The following LIN7A variants were observed in gnomAD, a reference collection of about 807,000 sequenced individuals.
LIN7A encodes protein lin-7 homolog A.
In LIN7A, 25 loss-of-function variants were observed where a neutral mutation model predicts 29.8. The observed-to-expected ratio is 0.84, with a 90% confidence interval of 0.61 to 1.17. The LOEUF is 1.17. Ranked by LOEUF, LIN7A falls within the 50% of genes most tolerant of loss-of-function variation. The probability of loss-of-function intolerance (pLI) is 0.00; values close to 1 mark genes in which losing one functional copy is unlikely to be tolerated. For synonymous variants in LIN7A, 118 were observed against 107.5 expected (o/e 1.10, Z -0.60); for missense variants, 239 against 287.0 (o/e 0.83, Z 1.21).
intron 2 of LIN7A, among the ~76,000 whole-genome samples, chr12:80,878,632 C>G (rs949713518): frequency 6.6e-6 from 1 of 152,166 alleles, no homozygotes; most frequent in African/African-American, 2.4e-5. Context: ...CTGCTGTTGG[C>G]GGACGTGGCC....
intron 1 of LIN7A, among the ~76,000 whole-genome samples, chr12:80,896,277 G>T (rs1875890259): frequency 6.6e-6 from 1 of 152,216 alleles, no homozygotes; most frequent in Non-Finnish European, 1.5e-5. Flanking sequence ...ACCAGTGTTG[G>T]TGGAACACTG....
chr12:80,831,151 T>C (rs1169140704), intron 4 of LIN7A, among the ~76,000 whole-genome samples: 1 of 152,212 alleles, frequency 6.6e-6, no homozygotes, highest in African/African-American at 2.4e-5. Flanking sequence ...AATAAATGCT[T>C]ATTGAGTGAC....
chr12:80,910,449 T>C (rs1876696436), intron 1 of LIN7A, among the ~76,000 whole-genome samples: 1 of 152,298 alleles, frequency 6.6e-6, no homozygotes, highest in East Asian at 1.9e-4. Flanking sequence ...AAGTGATCTT[T>C]GCCTTGTTCT....
At chr12:80,915,029 C>T (rs1414282533) in intron 1 of LIN7A, among the ~76,000 whole-genome samples, 1 of 151,504 alleles carries the variant, frequency 6.6e-6, no homozygotes, top group Non-Finnish European at 1.5e-5. Context: ...AGAGCTTCTA[C>T]ACAGCAAGAG....
chr12:80,813,442 T>C (rs867542113), intron 4 of LIN7A, among the ~76,000 whole-genome samples: 5 of 152,242 alleles, frequency 3.3e-5, no homozygotes, highest in African/African-American at 1.2e-4. Flanking sequence ...TGGAGGGCAC[T>C]ATCGTTATGC....
chr12:80,893,613 C>T (rs1040504153), intron 1 of LIN7A, among the ~76,000 whole-genome samples: 1 of 152,146 alleles, frequency 6.6e-6, no homozygotes, highest in Non-Finnish European at 1.5e-5. Flanking sequence ...ATTAATTTGA[C>T]ACAGTACTAG....
intron 1 of LIN7A, among the ~76,000 whole-genome samples, chr12:80,909,326 CA>C (rs971100119): frequency 9.9e-5 from 15 of 152,222 alleles, no homozygotes; most frequent in African/African-American, 3.4e-4. Context: ...TCTTACATAT[CA>C]ATACTTATAC....
intron 2 of LIN7A, among the ~76,000 whole-genome samples, chr12:80,887,917 G>A (rs1189772874): frequency 6.6e-6 from 1 of 152,090 alleles, no homozygotes; most frequent in South Asian, 2.1e-4. Context: ...AATTTCGGGG[G>A]AATGGCACTC....
intron 1 of LIN7A, among the ~76,000 whole-genome samples, chr12:80,894,337 A>G (rs889685946): frequency 1.3e-5 from 2 of 152,166 alleles, no homozygotes; most frequent in Non-Finnish European, 2.9e-5. Context: ...GAAAGCAAGA[A>G]GGATTATTTT....
chr12:80,854,411 CA>C (rs1424878740), intron 2 of LIN7A, among the ~76,000 whole-genome samples: 1 of 115,058 alleles, frequency 8.7e-6, no homozygotes, highest in Non-Finnish European at 1.6e-5. Flanking sequence ...CCCATCTCTA[CA>C]AAATTTATTT....
intron 4 of LIN7A, among the ~76,000 whole-genome samples, chr12:80,828,801 GGT>G (rs374898856): frequency 6.2e-4 from 93 of 151,180 alleles, no homozygotes; most frequent in African/African-American, 1.9e-3. Context: ...ATAAATGTGG[GGT>G]GTGTGTGTGT....
chr12:80,807,063 G>GTTGTTTTTT (rs1871026592), intron 5 of LIN7A, among the ~76,000 whole-genome samples: 1 of 53,592 alleles, frequency 1.9e-5, no homozygotes, highest in African/African-American at 8.7e-5. Flanking sequence ...TGAAGATGGA[G>GTTGTTTTTT]TTTTTTTTTT....
chr12:80,820,262 G>A (rs73137270), intron 4 of LIN7A, among the ~76,000 whole-genome samples: 40,018 of 151,994 alleles, frequency 0.26, 5,703 homozygotes, highest in Non-Finnish European at 0.33. Flanking sequence ...CCACAAAAGA[G>A]CAAGGAGGTT....
chr12:80,935,194 G>A (rs901944010), intron 1 of LIN7A, among the ~76,000 whole-genome samples: 1 of 152,118 alleles, frequency 6.6e-6, no homozygotes, highest in African/African-American at 2.4e-5. Flanking sequence ...ATTTAGAAAT[G>A]GTCTCTTCCC....
intron 1 of LIN7A, among the ~76,000 whole-genome samples, chr12:80,909,547 G>A (rs935273692): frequency 6.6e-6 from 1 of 152,168 alleles, no homozygotes; most frequent in South Asian, 2.1e-4. Context: ...TCTGGCGAGG[G>A]TCCACTTTCT....
chr12:80,894,950 G>A (rs903753462), intron 1 of LIN7A, among the ~76,000 whole-genome samples: 3 of 152,156 alleles, frequency 2.0e-5, no homozygotes, highest in African/African-American at 7.2e-5. Context: ...CAAATGGAGA[G>A]GCCAGAATCC....
intron 4 of LIN7A, among the ~76,000 whole-genome samples, chr12:80,821,062 A>G (rs944330647): frequency 1.3e-4 from 20 of 152,156 alleles, no homozygotes; most frequent in Non-Finnish European, 1.9e-4. Flanking sequence ...TACCTCCCCC[A>G]TACTCACCCC....
chr12:80,853,784 C>T (rs1278108813), intron 2 of LIN7A, among the ~76,000 whole-genome samples: 1 of 152,064 alleles, frequency 6.6e-6, no homozygotes, highest in Non-Finnish European at 1.5e-5. Context: ...GTAATCTCTG[C>T]CTCCCAGATT....
rs1428063385 is a variant in LIN7A, at chr12:80,794,748, A to C, written c.*2979T>G. The stretch of plus-strand genomic sequence containing the variant: ...AACTGGAGAATTCCCTATTGACTAC[A>C]TGATTGAGGAAACACAAAAGTCTGT... On this transcript the variant is annotated 3_prime_UTR_variant, in exon 6 of 6. Transcript: ENST00000552864. 2.0e-5 allele frequency: 3 copies of C among 152,188 alleles called. No homozygotes were observed. Among genetic ancestry groups the C allele is most frequent in the African/African-American group, 7.2e-5 (3 of 41,454 alleles). 9.4% of individuals were successfully genotyped at this position (152,188 alleles called of 1,614,324 possible). A position where few individuals can be genotyped will look rare whatever the true frequency, so the allele number is the denominator to read the frequency against.
Sources: gnomAD v4.1 joint callset for allele counts (sites outside exome capture counted in the v4.1 genomes callset) on GRCh38, gnomAD v4.1.1 for gene constraint, MANE v1.5 for transcripts, NCBI Gene and HGNC (gene_info 2026-07-23, HGNC 2026-07-21) for gene names.